The following PLEC variants were observed in gnomAD, a reference collection of about 807,000 sequenced individuals.
PLEC encodes the protein plectin, also known as hemidesmosomal protein 1.
PLEC carries 216 observed loss-of-function variants against 392.8 expected under a neutral mutation model. The ratio of observed to expected loss-of-function variants is 0.55; its 90% confidence interval spans 0.49 to 0.62. The LOEUF (loss-of-function observed/expected upper bound fraction) is 0.62. PLEC is among the 20% of genes least tolerant of loss of function. PLEC has a pLI of 0.00. For missense variants in PLEC, 6,863 were observed against 6,563.4 expected (o/e 1.05, Z -1.58); for synonymous variants, 3,621 against 2,980.6 (o/e 1.21, Z -7.00).
rs1554718925 is a variant in PLEC at position 143,933,098 on chromosome 8, G to A, written c.1432C>T (p.His478Tyr). The A allele has an allele frequency of 2.5e-6, 4 of 1,593,108 alleles. No homozygotes were observed. Among genetic ancestry groups the A allele is most frequent in the Non-Finnish European group, 3.4e-6 (4 of 1,172,512 alleles). Residue 478 changes from histidine to tyrosine, a missense_variant, in exon 14 of 32, where the codon CAC (histidine) becomes TAC (tyrosine). Transcript: ENST00000345136. ...GTGCGGATGGCTACCAGGCGCTCGT[G>A]CAGACGGTACACCCTGGGGCAGCAG... ...EQMYRRVYRL[H>Y]ERLVAIRTEY...
intron 1 of PLEC, among the ~76,000 whole-genome samples, chr8:143,971,913 T>A (rs1833448815): frequency 6.6e-6 from 1 of 152,000 alleles, no homozygotes; most frequent in Admixed American, 6.6e-5. Context: ...GGGAGGACCC[T>A]GACAGAGGGT....
At position 143,935,095 on chromosome 8, in the gene PLEC, G is replaced by C; in HGVS notation, c.741C>G (p.Asp247Glu). 1.9e-6 allele frequency: 3 copies of C among 1,612,982 alleles called. No individual in the cohort carries two copies. Among genetic ancestry groups the C allele is most frequent in the East Asian group, 2.2e-5 (1 of 44,878 alleles). Residue 247 changes from aspartate (D) to glutamate (E), a missense_variant, in exon 8 of 32, where the codon GAC (aspartate) becomes GAG (glutamate). Physicochemically the swap from Asp to Glu is conservative, Grantham distance 45. Transcript: ENST00000345136. ...AGACGTAGGTGATGATGGACTTCTC[G>C]TCGGGCTGAGGGACATCCACGTCTG... ...DPEDVDVPQP[D>E]EKSIITYVSS...
Position 143,930,450 on chromosome 8 carries a change from G to A in PLEC, c.2391C>T (p.Arg797=), listed in dbSNP as rs782701313. The A allele has an allele frequency of 1.9e-6, 3 of 1,578,874 alleles. No individual in the cohort carries two copies. The highest frequency in any genetic ancestry group is 2.6e-6 in the Non-Finnish European group (3 of 1,163,206). ...RAKAVVQLKP[R]HPAHPMRGRL... ...GGCCCCGCATGGGGTGGGCTGGGTG[G>A]CGGGGCTTCAGCTGCACGACGGCCT... Residue 797 remains arginine (R), a synonymous_variant, in exon 20 of 32, where the codon CGC becomes CGT. Transcript: ENST00000345136.
rs782602923 is a variant in PLEC at position 143,923,901 on chromosome 8, C to G, written c.6028G>C (p.Glu2010Gln). The change falls in exon 31 of 32, where the codon GAA becomes CAA. Residue 2010 changes from glutamate to glutamine, a missense_variant. Glu to Gln is a conservative substitution (Grantham distance 29). Transcript: ENST00000345136. ...ACCTTGGCTTTCAGCCGCTCGACTT[C>G]CTCCAGCGCCGCCTTCCGCTGCCGT... ...AARQRKAALE[E>Q]VERLKAKVEE... The G allele has an allele frequency of 1.8e-5, 28 of 1,594,886 alleles. No individual in the cohort carries two copies. The highest frequency in any genetic ancestry group is 3.3e-5 in the Admixed American group (2 of 59,806).
chr8:143,965,362 C>T (rs568902682), intron 1 of PLEC, among the ~76,000 whole-genome samples: 2 of 152,312 alleles, frequency 1.3e-5, no homozygotes, highest in African/African-American at 4.8e-5. Flanking sequence ...CCAAGTCCTA[C>T]AGGATCCTGT....
chr8:143,957,084 C>T (rs141760562), upstream of PLEC, among the ~76,000 whole-genome samples: 45 of 152,182 alleles, frequency 3.0e-4, no homozygotes, highest in East Asian at 6.9e-3. Context: ...CGCCTGGAGA[C>T]GGGGCTACAG....
chr8:143,932,050 C>A lies in PLEC; in HGVS notation c.2083-18G>T. 1 of 1,566,996 alleles carries A rather than the reference C, an allele frequency of 6.4e-7. No homozygotes were observed. The highest frequency in any genetic ancestry group is 8.6e-7 in the Non-Finnish European group (1 of 1,156,366). ...TGGAAGGACTGCGGGACAGCAGGTC[C>A]CGGTCAGGCCCCGCCCCGCCCCGCC... On this transcript the variant is annotated intron_variant, in intron 17 of 31. Transcript: ENST00000345136.
At chr8:143,936,897 C>CG (rs1486779913) in intron 5 of PLEC, 82 bp downstream of exon 5, 1 of 1,108,208 alleles carries the variant, frequency 9.0e-7, no homozygotes, top group African/African-American at 1.5e-5. Flanking sequence ...AGCCAGAAAG[C>CG]GGATCAACCC....
Position 143,918,160 on chromosome 8 carries a change from G to A in PLEC, c.11661C>T (p.Gly3887=), listed in dbSNP as rs1554674194. The A allele has an allele frequency of 3.1e-6, 5 of 1,596,788 alleles. No homozygotes were observed. In the East Asian group the frequency reaches 6.7e-5, roughly 21 times the overall value. Residue 3887 remains glycine, a synonymous_variant, in exon 32 of 32, where the codon GGC becomes GGT. Transcript: ENST00000345136. ...CCTCCATGGTGATCTGCTTCCGCAG[G>A]CCACGGAAGGTCAGCTTGCGGGCGT... ...LSDARKLTFR[G]LRKQITMEEL...
chr8:143,928,541 G>A (rs1826043007), intron 25 of PLEC, among the ~76,000 whole-genome samples: 1 of 91,054 alleles, frequency 1.1e-5, no homozygotes, highest in Non-Finnish European at 2.2e-5. Flanking sequence ...TTGCAACACA[G>A]GAAGAGGTGG....
chr8:143,920,709 G>C lies in PLEC; in HGVS notation c.9112C>G (p.Leu3038Val), dbSNP rs782531145. Reference protein sequence around the residue: ...GVWLEEAGQKLSIYNALKKDL... With the variant: ...GVWLEEAGQKVSIYNALKKDL... ...TTCTTCAGGGCATTGTAGATACTCA[G>C]CTTCTGCCCCGCCTCCTCCAGCCAT... Residue 3038 changes from leucine to valine, a missense_variant, in exon 32 of 32, where the codon CTG (leucine) becomes GTG (valine). Coordinates refer to ENST00000345136, the MANE Select transcript of PLEC (RefSeq NM_201384.3). 3.9e-5 allele frequency: 62 copies of C among 1,602,810 alleles called. 2 individuals carry two copies. In the South Asian group the frequency reaches 6.6e-4, roughly 17 times the overall value.
At chr8:143,943,093 C>T (rs537575338), upstream of PLEC, among the ~76,000 whole-genome samples, 8 of 152,324 alleles carry the variant, frequency 5.3e-5, no homozygotes, top group East Asian at 7.7e-4. Flanking sequence ...CCCAGCGCCA[C>T]GCCTAGAAGC....
At position 143,924,240 on chromosome 8, in the gene PLEC, G is replaced by C; in HGVS notation, c.5689C>G (p.Gln1897Glu). The change falls in exon 31 of 32, where the codon CAG becomes GAG. Residue 1897 changes from glutamine to glutamate, a missense_variant. Coordinates refer to ENST00000345136, the MANE Select transcript of PLEC (RefSeq NM_201384.3). The part of the protein sequence containing the change: ...HKADIEERLA[Q>E]LRKASDSELE... Reference sequence around the variant, plus strand: ...TCGCTGTCCGATGCCTTGCGCAGCTGGGCCAGGCGCTCCTCGATGTCAGCC... The same window carrying C: ...TCGCTGTCCGATGCCTTGCGCAGCTCGGCCAGGCGCTCCTCGATGTCAGCC... The C allele has an allele frequency of 6.3e-7, 1 of 1,598,300 alleles. No homozygotes were observed. The highest frequency in any genetic ancestry group is 8.5e-7 in the Non-Finnish European group (1 of 1,179,360).
chr8:143,926,451 T>C (rs1825213348), intron 30 of PLEC, among the ~76,000 whole-genome samples: 1 of 152,188 alleles, frequency 6.6e-6, no homozygotes, highest in South Asian at 2.1e-4. Flanking sequence ...CCCCGACTTC[T>C]GGCAGCAAAG....
At chr8:143,938,787 G>C in intron 1 of PLEC, 95 bp from the exon 2 acceptor site, 2 of 1,103,026 alleles carry the variant, frequency 1.8e-6, no homozygotes, top group Non-Finnish European at 1.4e-6. Flanking sequence ...GGCTGGCCAG[G>C]TCCTGCCTGG....
At position 143,927,364 on chromosome 8, in the gene PLEC, C is replaced by T. The variant is rs782794937; in HGVS notation, c.3757-29G>A. 1.1e-5 allele frequency: 18 copies of T among 1,611,196 alleles called. No homozygotes were observed. In the African/African-American group the frequency reaches 1.9e-4, roughly 17 times the overall value. On this transcript the variant is annotated intron_variant, in intron 27 of 31. Coordinates refer to ENST00000345136, the MANE Select transcript of PLEC (RefSeq NM_201384.3). Reference sequence around the variant, plus strand: ...GGTGATGGTGTGGTCAGAGCCGTGGCCGCAGGGCACGCCCAGCCGCCCCGT... The same window carrying T: ...GGTGATGGTGTGGTCAGAGCCGTGGTCGCAGGGCACGCCCAGCCGCCCCGT...
At position 143,916,885 on chromosome 8, in the gene PLEC, C is replaced by T. The variant is rs782647038; in HGVS notation, c.12936G>A (p.Leu4312=). 30 of 1,612,544 alleles carry T rather than the reference C, an allele frequency of 1.9e-5. No homozygotes were observed. The highest frequency in any genetic ancestry group is 6.7e-5 in the African/African-American group (5 of 74,926). The change falls in exon 32 of 32, where the codon CTG becomes CTA. Residue 4312 remains leucine, a synonymous_variant. Transcript: ENST00000345136. ...TGCCCCCGGTGCAGGCCTGCGCCTC[C>T]AGCAGCCGCTGCCCCGTGATGTTAT... ...LVDNITGQRL[L]EAQACTGGII...
intron 18 of PLEC, 30 bp downstream of exon 18, chr8:143,931,907 C>T (rs1554715828): frequency 6.3e-7 from 1 of 1,575,924 alleles, no homozygotes; most frequent in Non-Finnish European, 8.6e-7. Flanking sequence ...TGCCGCTGAG[C>T]CACAGTGCGG....
intron 12 of PLEC, 140 bp downstream of exon 12, chr8:143,933,858 C>G: frequency 1.4e-6 from 1 of 710,108 alleles, no homozygotes. Flanking sequence ...GGCCTGGATT[C>G]CCCACCACAT....
Sources: allele counts gnomAD v4.1 joint callset (sites outside exome capture counted in the v4.1 genomes callset), GRCh38; gene constraint gnomAD v4.1.1; transcripts MANE v1.5; gene names NCBI Gene and HGNC (gene_info 2026-07-23, HGNC 2026-07-21).